STAG1: variants seen among roughly 807,000 people sequenced by gnomAD.
STAG1 encodes the protein STAG1 cohesin complex component, also known as cohesin subunit SA-1.
Under a neutral mutation model 170.9 loss-of-function variants are expected in STAG1, and 26 were observed. The observed-to-expected ratio is 0.15, with a 90% CI of 0.11 to 0.21. The LOEUF is 0.21. STAG1 is among the 10% of genes least tolerant of loss of function. STAG1 has a pLI of 1.00. For missense variants in STAG1, 964 were observed against 1,509.5 expected (o/e 0.64, Z 5.99); for synonymous variants, 514 against 497.7 (o/e 1.03, Z -0.44).
At chr3:136,637,272 T>C (rs184742108) in intron 1 of STAG1, among the ~76,000 whole-genome samples, 2 of 152,260 alleles carry the variant, frequency 1.3e-5, no homozygotes, top group East Asian at 1.9e-4. Context: ...AAAAATAAAA[T>C]TGGATTTTCC....
At chr3:136,421,749 G>A (rs556102750) in intron 19 of STAG1, among the ~76,000 whole-genome samples, 1 of 152,262 alleles carries the variant, frequency 6.6e-6, no homozygotes, top group African/African-American at 2.4e-5. Context: ...CTTAAAAGTA[G>A]ACTTAATTTG....
At chr3:136,432,475 A>G (rs1203918219) in intron 16 of STAG1, among the ~76,000 whole-genome samples, 2 of 144,196 alleles carry the variant, frequency 1.4e-5, no homozygotes, top group African/African-American at 5.1e-5. Flanking sequence ...TTTGAATAAT[A>G]CAGTAACTAA....
At chr3:136,411,786 C>G (rs2087630454) in intron 21 of STAG1, among the ~76,000 whole-genome samples, 1 of 151,952 alleles carries the variant, frequency 6.6e-6, no homozygotes, top group African/African-American at 2.4e-5. Flanking sequence ...CCATATCTAC[C>G]AATACAAAAA....
At chr3:136,484,989 T>G (rs989740261) in intron 9 of STAG1, among the ~76,000 whole-genome samples, 2 of 152,164 alleles carry the variant, frequency 1.3e-5, no homozygotes, top group African/African-American at 4.8e-5. Context: ...CACTCCCTAG[T>G]GAGATGAACC....
chr3:136,394,925 C>T (rs971004111), intron 22 of STAG1, among the ~76,000 whole-genome samples: 5 of 136,774 alleles, frequency 3.7e-5, no homozygotes, highest in Admixed American at 1.6e-4. Flanking sequence ...TGCACTCTAG[C>T]GAGACTCTGT....
intron 5 of STAG1, among the ~76,000 whole-genome samples, chr3:136,546,882 T>C (rs1936176783): frequency 6.6e-6 from 1 of 152,242 alleles, no homozygotes; most frequent in African/African-American, 2.4e-5. Flanking sequence ...GCATAAATGA[T>C]CAAGTCCTGT....
At chr3:136,391,194 G>A (rs1019319686) in intron 22 of STAG1, among the ~76,000 whole-genome samples, 23 of 152,168 alleles carry the variant, frequency 1.5e-4, no homozygotes, top group Admixed American at 1.1e-3. Flanking sequence ...AGGGATGTTT[G>A]GCCCAGGCCC....
intron 3 of STAG1, among the ~76,000 whole-genome samples, chr3:136,618,120 C>T (rs2107825112): frequency 6.6e-6 from 1 of 152,264 alleles, no homozygotes; most frequent in East Asian, 1.9e-4. Context: ...CCTCATAAAG[C>T]AACCTTTTCC....
In STAG1 at chr3:136,418,100, T is replaced by A. The variant is rs996266627; in HGVS notation, c.2109-128A>T. 5.6e-5 allele frequency: 40 copies of A among 711,388 alleles called. No homozygotes were observed. The African/African-American group carries it at 6.8e-4, about 12-fold the overall frequency. 44.1% of individuals were successfully genotyped at this position (711,388 alleles called of 1,614,324 possible). On this transcript the variant is annotated intron_variant, in intron 20 of 33. Transcript: ENST00000383202. ...TGGGCACACTGGCTCACGCCTGTAA[T>A]CCCAGCACTCTGGAAGGCCGCGGCT...
chr3:136,538,953 T>A (rs542724539), intron 6 of STAG1, among the ~76,000 whole-genome samples: 1 of 151,928 alleles, frequency 6.6e-6, no homozygotes, highest in Non-Finnish European at 1.5e-5. Context: ...GCTGACACGG[T>A]GAAACCCCGT....
At chr3:136,539,082 C>G (rs549247429) in intron 6 of STAG1, among the ~76,000 whole-genome samples, 2 of 151,016 alleles carry the variant, frequency 1.3e-5, no homozygotes, top group African/African-American at 4.9e-5. Flanking sequence ...TGCAGTGAGC[C>G]GAGATTGCAT....
At chr3:136,347,154 A>G (rs1936256880) in intron 29 of STAG1, among the ~76,000 whole-genome samples, 1 of 150,834 alleles carries the variant, frequency 6.6e-6, no homozygotes, top group Non-Finnish European at 1.5e-5. Context: ...CAGCACTTTG[A>G]GAAGCCAAGG....
At chr3:136,665,191 G>GT (rs762884495) in intron 1 of STAG1, among the ~76,000 whole-genome samples, 2 of 152,184 alleles carry the variant, frequency 1.3e-5, no homozygotes, top group Non-Finnish European at 2.9e-5. Flanking sequence ...TGATCTAGAT[G>GT]TGAGATTAAG....
At chr3:136,606,304 T>C (rs1938934778) in intron 3 of STAG1, among the ~76,000 whole-genome samples, 1 of 152,070 alleles carries the variant, frequency 6.6e-6, no homozygotes, top group Non-Finnish European at 1.5e-5. Context: ...TTCTCCTGCC[T>C]CAGCCTCTAG....
intron 13 of STAG1, among the ~76,000 whole-genome samples, chr3:136,455,417 A>C (rs2089081099): frequency 6.6e-6 from 1 of 152,176 alleles, no homozygotes; most frequent in South Asian, 2.1e-4. Flanking sequence ...ATTTCCCTAG[A>C]CCCATGATTC....
chr3:136,467,841 C>G (rs1260736201), intron 12 of STAG1, among the ~76,000 whole-genome samples: 1 of 152,182 alleles, frequency 6.6e-6, no homozygotes, highest in Non-Finnish European at 1.5e-5. Context: ...AACTAGAACT[C>G]AGGATTAAGA....
chr3:136,412,938 C>A (rs999109899), intron 21 of STAG1, among the ~76,000 whole-genome samples: 1 of 151,044 alleles, frequency 6.6e-6, no homozygotes, highest in Non-Finnish European at 1.5e-5. Flanking sequence ...TCTCAGCTCA[C>A]TGCAACCTCC....
chr3:136,448,829 C>T (rs2107771497), intron 14 of STAG1, among the ~76,000 whole-genome samples: 1 of 151,790 alleles, frequency 6.6e-6, no homozygotes, highest in South Asian at 2.1e-4. Flanking sequence ...ATCCCAGCTA[C>T]TCGGGAGGCT....
At chr3:136,458,630 C>G (rs753212918) in intron 13 of STAG1, among the ~76,000 whole-genome samples, 9 of 151,804 alleles carry the variant, frequency 5.9e-5, no homozygotes, top group Non-Finnish European at 1.3e-4. Context: ...TACAAAACAA[C>G]CAGAAAACAA....
Sources: allele counts gnomAD v4.1 joint callset (sites outside exome capture counted in the v4.1 genomes callset), GRCh38; gene constraint gnomAD v4.1.1; transcripts MANE v1.5; gene names NCBI Gene and HGNC (gene_info 2026-07-23, HGNC 2026-07-21).